Variants in ARFGEF3 observed in about 807,000 individuals in gnomAD.
ARFGEF3 encodes brefeldin A-inhibited guanine nucleotide-exchange protein 3.
In ARFGEF3, 96 loss-of-function variants were observed where a neutral mutation model predicts 221.7. That is an observed-to-expected ratio of 0.43 (90% CI 0.37 to 0.51). ARFGEF3 has a LOEUF of 0.51. ARFGEF3 is among the 20% of genes least tolerant of loss of function. The pLI, the probability that ARFGEF3 is intolerant of heterozygous loss-of-function variation, is 0.00. For synonymous variants in ARFGEF3, 1,145 were observed against 1,126.8 expected, an observed-to-expected ratio of 1.02 and a Z score of -0.32; for missense variants, 2,410 against 2,789.9, an observed-to-expected ratio of 0.86 and a Z score of 3.07.
intron 3 of ARFGEF3, among the ~76,000 whole-genome samples, chr6:138,208,359 T>TGAGTATAC (rs1777661080): frequency 6.6e-6 from 1 of 151,848 alleles, no homozygotes; most frequent in Non-Finnish European, 1.5e-5. Flanking sequence ...TGAGCTTTCC[T>TGAGTATAC]GAGTATACCA....
intron 2 of ARFGEF3, among the ~76,000 whole-genome samples, chr6:138,202,945 G>A (rs1215183167): frequency 6.6e-6 from 1 of 151,844 alleles, no homozygotes; most frequent in Non-Finnish European, 1.5e-5. Flanking sequence ...GCTCAGTGTA[G>A]CATCTCTTCA....
chr6:138,278,461 C>T lies in ARFGEF3; in HGVS notation c.2139C>T (p.His713=), dbSNP rs751086137. The change falls in exon 13 of 34, where the codon CAC becomes CAT. Residue 713 remains histidine, a synonymous_variant. Coordinates refer to ENST00000251691, the MANE Select transcript of ARFGEF3 (RefSeq NM_020340.5). ...FASTFCSGMM[H]SPGFDGNSSL... is the part of the protein sequence containing the mutation. ...CATTGTCTCCCTTAGGCATGATGCACTCTCCTGGCTTTGACGGGAATAGCA... is the reference window on the plus strand; with the variant it reads ...CATTGTCTCCCTTAGGCATGATGCATTCTCCTGGCTTTGACGGGAATAGCA... 9 of 1,613,716 alleles carry T rather than the reference C, an allele frequency of 5.6e-6. No homozygotes were observed. The Admixed American group carries it at 1.5e-4, about 27-fold the overall frequency.
At chr6:138,292,217 G>A (rs1479486725) in intron 19 of ARFGEF3, among the ~76,000 whole-genome samples, 164 bp downstream of exon 19, 2 of 152,176 alleles carry the variant, frequency 1.3e-5, no homozygotes, top group Non-Finnish European at 1.5e-5. Context: ...TCCATACTTG[G>A]AATGAAACGT....
At chr6:138,292,435 A>C (rs1273035082) in intron 19 of ARFGEF3, among the ~76,000 whole-genome samples, 1 of 152,222 alleles carries the variant, frequency 6.6e-6, no homozygotes, top group East Asian at 1.9e-4. Flanking sequence ...GGAGCTTGGA[A>C]AATGGTAAAA....
intron 2 of ARFGEF3, among the ~76,000 whole-genome samples, chr6:138,188,649 G>A: frequency 6.6e-6 from 1 of 152,200 alleles, no homozygotes; most frequent in East Asian, 1.9e-4. Context: ...GGCAGTTACA[G>A]ACAGGCTGAA....
intron 31 of ARFGEF3, 69 bp from the exon 32 acceptor site, chr6:138,327,952 C>A: frequency 7.4e-7 from 1 of 1,347,372 alleles, no homozygotes; most frequent in Non-Finnish European, 1.0e-6. Context: ...CAGGGTCATC[C>A]AGCTGATCCC....
intron 16 of ARFGEF3, 57 bp downstream of exon 16, chr6:138,286,973 C>T: frequency 6.3e-7 from 1 of 1,594,700 alleles, no homozygotes; most frequent in East Asian, 2.3e-5. Context: ...CTGGGAATGA[C>T]CCAGCAGGGT....
chr6:138,168,855 C>T (rs1391891652), intron 1 of ARFGEF3, among the ~76,000 whole-genome samples: 2 of 152,170 alleles, frequency 1.3e-5, no homozygotes, highest in East Asian at 1.9e-4. Flanking sequence ...TCCTTCCTGG[C>T]GTTTATCATG....
chr6:138,254,709 C>CT (rs1341246164), intron 9 of ARFGEF3, among the ~76,000 whole-genome samples: 5 of 152,120 alleles, frequency 3.3e-5, no homozygotes, highest in Non-Finnish European at 7.4e-5. Flanking sequence ...GAGCTAGACT[C>CT]TGTCTCAAAA....
At position 138,298,720 on chromosome 6, in the gene ARFGEF3, G is replaced by A; in HGVS notation, c.3763G>A (p.Ala1255Thr). 1.2e-6 allele frequency: 2 copies of A among 1,613,562 alleles called. No individual in the cohort carries two copies. Among genetic ancestry groups the A allele is most frequent in the Non-Finnish European group, 8.5e-7 (1 of 1,179,726 alleles). ...NEPPHFHFNEALFRPFERIMQ... is the reference protein window; with the variant it reads ...NEPPHFHFNETLFRPFERIMQ... ...GCCACCTCATTTTCACTTCAATGAA[G>A]CACTCTTCCGACCTTTCGAGCGCAT... Residue 1255 changes from alanine to threonine, a missense_variant, in exon 22 of 34, where the codon GCA (alanine) becomes ACA (threonine). Ala to Thr is a moderately conservative substitution (Grantham distance 58). Transcript: ENST00000251691.
chr6:138,324,086 G>T lies in ARFGEF3; in HGVS notation c.4933G>T (p.Val1645Leu). The stretch of plus-strand genomic sequence containing the variant: ...CAGCGGGGAAGGCTGCCAGGTGCGA[G>T]TGGCGGCCCCGTCCTCCTCCCCAAG... ...SFSGEGCQVR[V>L]AAPSSSPSAE... The change falls in exon 31 of 34, where the codon GTG (valine) becomes TTG (leucine). Residue 1645 changes from valine to leucine, a missense_variant. Around this residue, in one of 5 missense-constraint regions of ARFGEF3, gnomAD observed 723 missense variants for 991.9 expected, o/e 0.73. Transcript: ENST00000251691. 2 of 1,613,918 alleles carry T rather than the reference G, an allele frequency of 1.2e-6. No individual in the cohort carries two copies. The highest frequency in any genetic ancestry group is 1.7e-6 in the Non-Finnish European group (2 of 1,179,898).
chr6:138,204,759 A>G (rs896274248), intron 2 of ARFGEF3, among the ~76,000 whole-genome samples: 3 of 152,216 alleles, frequency 2.0e-5, no homozygotes, highest in Admixed American at 2.0e-4. Context: ...TTAGTATTTC[A>G]ATTGAGACTG....
intron 6 of ARFGEF3, among the ~76,000 whole-genome samples, chr6:138,242,608 G>A (rs1479342497): frequency 1.3e-5 from 2 of 152,192 alleles, no homozygotes; most frequent in African/African-American, 4.8e-5. Flanking sequence ...TCTTCAGGTA[G>A]GCATTGCCCC....
At chr6:138,168,092 C>G (rs2114424225) in intron 1 of ARFGEF3, among the ~76,000 whole-genome samples, 1 of 152,316 alleles carries the variant, frequency 6.6e-6, no homozygotes, top group Middle Eastern at 3.4e-3. Context: ...TGAGTACCTA[C>G]TATGTGCCAG....
At chr6:138,165,911 T>A (rs938886572) in intron 1 of ARFGEF3, among the ~76,000 whole-genome samples, 3 of 152,246 alleles carry the variant, frequency 2.0e-5, no homozygotes, top group Non-Finnish European at 2.9e-5. Context: ...TTGTTCTCTT[T>A]GTCCTGATGG....
At chr6:138,329,474 G>A (rs942003273) in intron 32 of ARFGEF3, among the ~76,000 whole-genome samples, 2 of 152,200 alleles carry the variant, frequency 1.3e-5, no homozygotes, top group Admixed American at 1.3e-4. Context: ...GACCAGCCTG[G>A]CCAACATGGT....
chr6:138,196,613 T>C (rs1200036923), intron 2 of ARFGEF3, among the ~76,000 whole-genome samples: 1 of 152,248 alleles, frequency 6.6e-6, no homozygotes, highest in Admixed American at 6.5e-5. Context: ...CTAGCCTTTA[T>C]AAACACTGTA....
chr6:138,308,789 G>A lies in ARFGEF3; in HGVS notation c.4024G>A (p.Asp1342Asn). The A allele has an allele frequency of 6.2e-7, 1 of 1,613,894 alleles. No homozygotes were observed. The highest frequency in any genetic ancestry group is 8.5e-7 in the Non-Finnish European group (1 of 1,179,770). ...FDVFEAFLNT[D>N]NIQVFANAAT... is the part of the protein sequence containing the mutation. ...TGTATTTGAAGCTTTTCTCAATACT[G>A]ACAACATCCAGGTCTTTGCTAATGC... The change falls in exon 24 of 34, where the codon GAC becomes AAC. Residue 1342 changes from aspartate to asparagine, a missense_variant. This residue lies in a region of ARFGEF3 where 723 missense variants were observed against 991.9 expected (regional missense o/e 0.73). Transcript: ENST00000251691.
Position 138,262,975 on chromosome 6 carries a change from G to T in ARFGEF3, c.1492G>T (p.Glu498Ter). 1 of 1,599,114 alleles carries T rather than the reference G, an allele frequency of 6.3e-7. No homozygotes were observed. The highest frequency in any genetic ancestry group is 8.5e-7 in the Non-Finnish European group (1 of 1,172,900). ...ACACACGCCGTGGGAGTCAGGGAAC[G>T]AGAGGAGCCTTGACATCAGCATCAG... Reference protein sequence around the residue: ...SEHTPWESGNERSLDISISVT... With the variant: ...SEHTPWESGN Residue 498 changes from glutamate (E) to a stop codon, truncating the protein, a stop_gained, in exon 12 of 34, where the codon GAG becomes TAG. Coordinates refer to ENST00000251691, the MANE Select transcript of ARFGEF3 (RefSeq NM_020340.5). LOFTEE classifies it high-confidence loss of function.
Sources: gnomAD v4.1 joint callset for allele counts (sites outside exome capture counted in the v4.1 genomes callset) on GRCh38, gnomAD v4.1.1 for gene constraint, gnomAD v4.1.1 regional missense constraint, MANE v1.5 for transcripts, NCBI Gene and HGNC (gene_info 2026-07-23, HGNC 2026-07-21) for gene names.